HERC2: variants seen among roughly 807,000 people sequenced by gnomAD.
HERC2 encodes HECT and RLD domain containing E3 ubiquitin protein ligase 2, also known as E3 ubiquitin-protein ligase HERC2.
HERC2 carries 102 observed loss-of-function variants against 537.7 expected under a neutral mutation model. The ratio of observed to expected loss-of-function variants is 0.19; its 90% CI spans 0.16 to 0.22. HERC2 has a LOEUF of 0.22. HERC2 is among the 10% of genes least tolerant of loss of function. The probability of loss-of-function intolerance (pLI) is 1.00; values close to 1 mark genes in which losing one functional copy is unlikely to be tolerated. For missense variants in HERC2, 4,236 were observed against 6,198.2 expected, an observed-to-expected ratio of 0.68 and a Z score of 10.63; for synonymous variants, 2,224 against 2,466.2, an observed-to-expected ratio of 0.90 and a Z score of 2.91.
intron 34 of HERC2, among the ~76,000 whole-genome samples, chr15:28,228,632 A>C (rs1901501074): frequency 6.6e-6 from 1 of 152,200 alleles, no homozygotes; most frequent in Admixed American, 6.5e-5. Flanking sequence ...GTGCATGGAT[A>C]CAAGAATAAA....
In HERC2 at chr15:28,146,246, C is replaced by G. The variant is rs748768501; in HGVS notation, c.10999G>C (p.Val3667Leu). ...AACCTCCTGTCCTTACCTGACCGCA[C>G]GGAGACGATCCTGTTGACGCCGTCC... Reference protein sequence around the residue: ...VMDGVNRIVSVRSGREWSDWS... With the variant: ...VMDGVNRIVSLRSGREWSDWS... The change falls in exon 71 of 93, where the codon GTG becomes CTG. Residue 3667 changes from valine to leucine, a missense_variant. Physicochemically the swap from Val to Leu is conservative, Grantham distance 32. Around this residue, in one of 27 missense-constraint regions of HERC2, gnomAD observed 356 missense variants for 450.9 expected, o/e 0.79. Coordinates refer to ENST00000261609, the MANE Select transcript of HERC2 (RefSeq NM_004667.6). 1 of 1,613,242 alleles carries G rather than the reference C, an allele frequency of 6.2e-7. No homozygotes were observed. Among genetic ancestry groups the G allele is most frequent in the South Asian group, 1.1e-5 (1 of 91,052 alleles).
chr15:28,157,835 G>C lies in HERC2; in HGVS notation c.10747-5005C>G, dbSNP rs543312947. On this transcript the variant is annotated intron_variant, in intron 69 of 92. Coordinates refer to ENST00000261609, the MANE Select transcript of HERC2 (RefSeq NM_004667.6). ...CTAGTTCTTTTAATTGTGATGTTAGGGTGTCAATTTTAGATCTTTCCTGCT... is the reference window on the plus strand; with the variant it reads ...CTAGTTCTTTTAATTGTGATGTTAGCGTGTCAATTTTAGATCTTTCCTGCT... Among the ~76,000 whole-genome samples the C allele has an allele frequency of 2.0e-5, 3 of 151,874 alleles. No homozygotes were observed. The South Asian group carries it at 6.3e-4, about 32-fold the overall frequency.
At position 28,198,500 on chromosome 15, in the gene HERC2, T is replaced by C. The variant is rs566394643; in HGVS notation, c.7889A>G (p.Tyr2630Cys). ...GTGAGAAGAAGAACTTGGTGGAGGA[T>C]AGCCTACAGATGTCAATAACAAATC... is the stretch of plus-strand genomic sequence containing the variant. ...VRYIHVELIG[Y>C]PPPSSSSHIK... The change falls in exon 50 of 93, where the codon TAT becomes TGT. Residue 2630 changes from tyrosine (Y) to cysteine (C), a missense_variant. Tyr to Cys is a radical substitution (Grantham distance 194, BLOSUM62 -2). Around this residue, in one of 27 missense-constraint regions of HERC2, gnomAD observed 606 missense variants for 884.5 expected, o/e 0.69. Coordinates refer to ENST00000261609, the MANE Select transcript of HERC2 (RefSeq NM_004667.6). The C allele has an allele frequency of 3.7e-6, 6 of 1,614,008 alleles. 1 individual carries two copies. Among genetic ancestry groups the C allele is most frequent in the Admixed American group, 3.3e-5 (2 of 59,972 alleles).
intron 83 of HERC2, among the ~76,000 whole-genome samples, chr15:28,128,279 C>T (rs1889722467): frequency 6.6e-6 from 1 of 152,052 alleles, no homozygotes; most frequent in Non-Finnish European, 1.5e-5. Flanking sequence ...GGGCGTCAGG[C>T]GGGGTGGGGG....
chr15:28,274,204 T>C, intron 7 of HERC2, 87 bp downstream of exon 7: 1 of 1,413,810 alleles, frequency 7.1e-7, no homozygotes, highest in Non-Finnish European at 9.7e-7. Flanking sequence ...CCTACTAGGC[T>C]TCTTAGCTCT....
intron 2 of HERC2, among the ~76,000 whole-genome samples, chr15:28,301,741 A>G (rs992767803): frequency 0.14 from 7,398 of 52,720 alleles, 1,199 homozygotes; most frequent in East Asian, 0.38. Flanking sequence ...ATGTGTATAT[A>G]TATATATATA....
chr15:28,152,348 A>G (rs1322688591), intron 70 of HERC2, among the ~76,000 whole-genome samples: 4 of 152,348 alleles, frequency 2.6e-5, no homozygotes, highest in Middle Eastern at 6.8e-3. Context: ...TGATGGATCA[A>G]TATCAGGACA....
intron 36 of HERC2, 115 bp downstream of exon 36, chr15:28,221,913 A>G (rs1900559475): frequency 1.1e-6 from 1 of 925,600 alleles, no homozygotes; most frequent in Non-Finnish European, 1.8e-6. Flanking sequence ...CACCTGTGTC[A>G]TCAATCAACT....
intron 65 of HERC2, among the ~76,000 whole-genome samples, chr15:28,170,218 A>G (rs1894552918): frequency 6.6e-6 from 1 of 152,258 alleles, no homozygotes; most frequent in East Asian, 1.9e-4. Flanking sequence ...ATGTACATGG[A>G]AAGGCAAAGG....
rs1278878182 is a variant in HERC2 at position 28,280,249 on chromosome 15, T to C, written c.361A>G (p.Lys121Glu). ...TGGACGGCCAGGGCCTGCTGCTCTT[T>C]AACCAGCACAGAAAGACACTCCTTC... ...ELKECLSVLV[K>E]EQQALAVQSA... Residue 121 changes from lysine to glutamate, a missense_variant, in exon 5 of 93, where the codon AAA (lysine) becomes GAA (glutamate). Transcript: ENST00000261609. 2 of 1,613,926 alleles carry C rather than the reference T, an allele frequency of 1.2e-6. No homozygotes were observed. The highest frequency in any genetic ancestry group is 2.2e-5 in the East Asian group (1 of 44,882).
intron 83 of HERC2, among the ~76,000 whole-genome samples, chr15:28,125,939 G>A (rs898845930): frequency 1.4e-4 from 22 of 152,224 alleles, no homozygotes; most frequent in Non-Finnish European, 1.3e-4. Flanking sequence ...AGCCTCCTGA[G>A]TAGCTAGGCT....
At chr15:28,233,120 T>C (rs1335775549) in intron 30 of HERC2, 26 bp downstream of exon 30, 3 of 1,569,826 alleles carry the variant, frequency 1.9e-6, no homozygotes, top group African/African-American at 2.7e-5. Flanking sequence ...GCTTTAATAG[T>C]ATCTTCTGTC....
chr15:28,124,094 T>C lies in HERC2; in HGVS notation c.13131A>G (p.Gly4377=), dbSNP rs769723830. The change falls in exon 85 of 93, where the codon GGA becomes GGG. Residue 4377 remains glycine (G), a synonymous_variant. Coordinates refer to ENST00000261609, the MANE Select transcript of HERC2 (RefSeq NM_004667.6). Reference sequence around the variant, plus strand: ...TGTCGAACCCAACAGAAGGCCCGAGTCCAGTTTCGTCGAGCGAGCCTTCCA... The same window carrying C: ...TGTCGAACCCAACAGAAGGCCCGAGCCCAGTTTCGTCGAGCGAGCCTTCCA... The part of the protein sequence containing the change: ...FDLEGSLDET[G]LGPSVGFDTL... 4 of 1,608,120 alleles carry C rather than the reference T, an allele frequency of 2.5e-6. No individual in the cohort carries two copies. The African/African-American group carries it at 5.4e-5, about 22-fold the overall frequency.
At chr15:28,303,996 T>C (rs1295483458) in intron 2 of HERC2, among the ~76,000 whole-genome samples, 2 of 151,934 alleles carry the variant, frequency 1.3e-5, no homozygotes, top group African/African-American at 4.8e-5. Context: ...TGAAACCCTG[T>C]CTCTACTAAA....
Position 28,202,369 on chromosome 15 carries a change from G to C in HERC2, c.7458C>G (p.Ser2486=). The C allele has an allele frequency of 6.2e-7, 1 of 1,613,800 alleles. No individual in the cohort carries two copies. The highest frequency in any genetic ancestry group is 8.5e-7 in the Non-Finnish European group (1 of 1,179,806). The change falls in exon 46 of 93, where the codon TCC becomes TCG. Residue 2486 remains serine, a synonymous_variant. Transcript: ENST00000261609. The part of the protein sequence containing the change: ...EFALKSLTGA[S]GNASSLPGVE... ...TACCAGGCAAGCTGGATGCATTCCC[G>C]GAAGCACCAGTGAGAGACTTCAGGG... is the stretch of plus-strand genomic sequence containing the variant.
At position 28,144,192 on chromosome 15, in the gene HERC2, T is replaced by A. The variant is rs1276539811; in HGVS notation, c.11184A>T (p.Pro3728=). The A allele has an allele frequency of 6.2e-7, 1 of 1,614,138 alleles. No individual in the cohort carries two copies. ...LLSDRCVLSC[P]SMDLVTCLLD... Reference sequence around the variant, plus strand: ...ACAGACACGTCACCAAGTCCATGGATGGACAGGAGAGGACGCAGCGGTCAG... The same window carrying A: ...ACAGACACGTCACCAAGTCCATGGAAGGACAGGAGAGGACGCAGCGGTCAG... Residue 3728 remains proline (P), a synonymous_variant, in exon 73 of 93, where the codon CCA becomes CCT. Transcript: ENST00000261609.
chr15:28,319,953 C>G lies in HERC2; in HGVS notation c.72+1409G>C, dbSNP rs867561053. ...AAATATGAAAGTACTCATCTCTCAC[C>G]TCTCCCATCCACTTAAAATGACAAA... On this transcript the variant is annotated intron_variant, in intron 2 of 92. Coordinates refer to ENST00000261609, the MANE Select transcript of HERC2 (RefSeq NM_004667.6). 3.6e-3 allele frequency among the ~76,000 whole-genome samples: 549 copies of G among 150,960 alleles called. 5 individuals are homozygous for G. The highest frequency in any genetic ancestry group is 0.012 in the African/African-American group (502 of 40,416).
In HERC2 at chr15:28,141,544, A is replaced by G. The variant is rs1284075305; in HGVS notation, c.11903T>C (p.Ile3968Thr). The stretch of plus-strand genomic sequence containing the variant: ...GGGAACTTTGACTTTTGCGCCTTCA[A>G]TGCCCCCGAGCTGGCCCCTGTGATT... Reference protein sequence around the residue: ...GHNHRGQLGGIEGAKVKVPTP... With the variant: ...GHNHRGQLGGTEGAKVKVPTP... Residue 3968 changes from isoleucine to threonine, a missense_variant, in exon 78 of 93, where the codon ATT (isoleucine) becomes ACT (threonine). Coordinates refer to ENST00000261609, the MANE Select transcript of HERC2 (RefSeq NM_004667.6). 6.2e-6 allele frequency: 10 copies of G among 1,613,992 alleles called. No homozygotes were observed. The highest frequency in any genetic ancestry group is 6.8e-6 in the Non-Finnish European group (8 of 1,180,020).
rs562617474 is a variant in HERC2 at position 28,293,234 on chromosome 15, C to G, written c.188-212G>C. Among the ~76,000 whole-genome samples, 3 of 152,276 alleles carry G rather than the reference C, an allele frequency of 2.0e-5. 1 individual carries two copies. The South Asian group carries it at 6.2e-4, about 32-fold the overall frequency. On this transcript the variant is annotated intron_variant, in intron 3 of 92. Coordinates refer to ENST00000261609, the MANE Select transcript of HERC2 (RefSeq NM_004667.6). ...ATCGGCCAGGCGTGGTGGCTCACGC[C>G]TGTAATCCCAGCACTTTGGGAAGCC...
Sources: gnomAD v4.1 joint callset for allele counts (sites outside exome capture counted in the v4.1 genomes callset) on GRCh38, gnomAD v4.1.1 for gene constraint, gnomAD v4.1.1 regional missense constraint, MANE v1.5 for transcripts, NCBI Gene and HGNC (gene_info 2026-07-23, HGNC 2026-07-21) for gene names.